Variants in NCKAP5 observed in about 807,000 individuals in gnomAD.
The protein encoded by NCKAP5 is NCK associated protein 5, also known as nck-associated protein 5.
In NCKAP5, 92 loss-of-function variants were observed where a neutral mutation model predicts 167.0. The observed-to-expected ratio is 0.55, with a 90% CI of 0.47 to 0.66. NCKAP5 has a LOEUF of 0.66. NCKAP5 is among the 30% of genes least tolerant of loss of function. NCKAP5 has a pLI of 0.00. For synonymous variants in NCKAP5, 891 were observed against 877.4 expected, an observed-to-expected ratio of 1.02 and a Z score of -0.27; for missense variants, 2,378 against 2,315.0, an observed-to-expected ratio of 1.03 and a Z score of -0.56.
At chr2:133,504,820 G>A (rs373601978) in intron 3 of NCKAP5, among the ~76,000 whole-genome samples, 1 of 152,082 alleles carries the variant, frequency 6.6e-6, no homozygotes, top group East Asian at 1.9e-4. Flanking sequence ...TTCTCTCTAT[G>A]TAGTGGAAAA....
intron 16 of NCKAP5, among the ~76,000 whole-genome samples, chr2:132,758,645 G>C (rs1043097168): frequency 1.3e-5 from 2 of 152,018 alleles, no homozygotes; most frequent in African/African-American, 4.8e-5. Context: ...TTGTGTTAGG[G>C]ACATGTCCCT....
At chr2:132,984,940 G>A (rs958997685) in intron 7 of NCKAP5, among the ~76,000 whole-genome samples, 6 of 149,332 alleles carry the variant, frequency 4.0e-5, no homozygotes, top group Admixed American at 2.7e-4. Context: ...TGCTCAAGCT[G>A]CACACTTACT....
chr2:133,321,938 C>T (rs777065199), intron 3 of NCKAP5, among the ~76,000 whole-genome samples: 14 of 152,196 alleles, frequency 9.2e-5, no homozygotes, highest in Non-Finnish European at 2.1e-4. Context: ...CTCAACCATG[C>T]CTTGTCTTAG....
intron 6 of NCKAP5, among the ~76,000 whole-genome samples, chr2:133,013,554 AG>A (rs1390626010): frequency 3.3e-5 from 5 of 152,178 alleles, no homozygotes; most frequent in South Asian, 2.1e-4. Context: ...AGAACAGCGC[AG>A]GAAAGACCTG....
intron 4 of NCKAP5, among the ~76,000 whole-genome samples, chr2:133,281,008 A>T (rs2089915252): frequency 6.6e-6 from 1 of 152,252 alleles, no homozygotes; most frequent in East Asian, 1.9e-4. Context: ...TTTGAGTTAT[A>T]CTGACACAAC....
chr2:133,261,541 A>G (rs1309557341), intron 4 of NCKAP5, among the ~76,000 whole-genome samples: 1 of 152,210 alleles, frequency 6.6e-6, no homozygotes, highest in Non-Finnish European at 1.5e-5. Context: ...CCTTACTATG[A>G]TGCTATTATT....
chr2:132,679,853 G>C (rs933695607), intron 19 of NCKAP5, among the ~76,000 whole-genome samples: 2 of 152,192 alleles, frequency 1.3e-5, no homozygotes, highest in East Asian at 3.9e-4. Flanking sequence ...TTTAAGCCAA[G>C]GTCTCTTAGT....
intron 8 of NCKAP5, among the ~76,000 whole-genome samples, chr2:132,884,753 C>T (rs11884607): frequency 0.067 from 10,198 of 152,112 alleles, 1,040 homozygotes; most frequent in African/African-American, 0.22. Flanking sequence ...ACTGCAAATG[C>T]CACTTCACAC....
chr2:133,530,665 C>T (rs543429155), intron 2 of NCKAP5, among the ~76,000 whole-genome samples: 4 of 152,122 alleles, frequency 2.6e-5, no homozygotes, highest in African/African-American at 7.2e-5. Flanking sequence ...GGATGGTGCT[C>T]ATTTCTCCAC....
chr2:133,119,954 G>A (rs1235528695), intron 6 of NCKAP5, among the ~76,000 whole-genome samples: 1 of 152,080 alleles, frequency 6.6e-6, no homozygotes, highest in Non-Finnish European at 1.5e-5. Flanking sequence ...TTTTGGAAAT[G>A]ATAAAACATA....
intron 11 of NCKAP5, among the ~76,000 whole-genome samples, chr2:132,830,998 G>A (rs758945483): frequency 3.9e-5 from 6 of 152,056 alleles, no homozygotes; most frequent in Non-Finnish European, 7.4e-5. Context: ...TCCAATGTAT[G>A]CAAATTTGCT....
chr2:133,507,751 G>C (rs1251194259), intron 3 of NCKAP5, among the ~76,000 whole-genome samples: 1 of 152,166 alleles, frequency 6.6e-6, no homozygotes, highest in Non-Finnish European at 1.5e-5. Context: ...CTGGAGATGA[G>C]GGCTGCATGA....
chr2:133,660,677 C>CA, the NCKAP5 span, among the ~76,000 whole-genome samples: 5 of 151,676 alleles, frequency 3.3e-5, no homozygotes, highest in South Asian at 2.1e-4. Flanking sequence ...CGTATTAGAA[C>CA]ATTCGCTGGA....
At chr2:133,495,548 G>A (rs1681870802) in intron 3 of NCKAP5, among the ~76,000 whole-genome samples, 1 of 152,156 alleles carries the variant, frequency 6.6e-6, no homozygotes, top group Admixed American at 6.5e-5. Context: ...GAAGTCCAGC[G>A]ACAGAGCAGC....
chr2:133,370,870 A>C (rs563920852), intron 3 of NCKAP5, among the ~76,000 whole-genome samples: 6 of 152,166 alleles, frequency 3.9e-5, no homozygotes, highest in African/African-American at 1.4e-4. Context: ...CTTAGAAGTT[A>C]TGGGATATGA....
In NCKAP5 at chr2:133,060,009, T is replaced by C. The variant is rs375290222; in HGVS notation, c.342-65770A>G. Among the ~76,000 whole-genome samples, 10 of 151,988 alleles carry C rather than the reference T, an allele frequency of 6.6e-5. No individual in the cohort carries two copies. In the East Asian group the frequency reaches 1.2e-3, roughly 18 times the overall value. ...AGCTGAATTAACCTGGTGACTAACA[T>C]GATGACAGATATTGCAGCCAGAGAG... On this transcript the variant is annotated intron_variant, in intron 6 of 19. Transcript: ENST00000409261.
chr2:133,427,379 G>T (rs536495441), intron 3 of NCKAP5, among the ~76,000 whole-genome samples: 22 of 152,188 alleles, frequency 1.4e-4, no homozygotes, highest in Admixed American at 2.6e-4. Context: ...AGAAGGTAAG[G>T]TAATAAAACT....
intron 8 of NCKAP5, among the ~76,000 whole-genome samples, chr2:132,895,822 A>C (rs1558914181): frequency 1.3e-5 from 2 of 148,966 alleles, no homozygotes; most frequent in Non-Finnish European, 1.5e-5. Flanking sequence ...GACTCAAAAA[A>C]AAAAAAAAAA....
chr2:133,452,587 T>C (rs899614030), intron 3 of NCKAP5, among the ~76,000 whole-genome samples: 2 of 152,208 alleles, frequency 1.3e-5, no homozygotes, highest in Non-Finnish European at 2.9e-5. Flanking sequence ...ATTCCTTGCC[T>C]GTACACAATC....
Sources: gnomAD v4.1 joint callset for allele counts (sites outside exome capture counted in the v4.1 genomes callset) on GRCh38, gnomAD v4.1.1 for gene constraint, MANE v1.5 for transcripts, NCBI Gene and HGNC (gene_info 2026-07-23, HGNC 2026-07-21) for gene names.